GKAP1: variants seen among roughly 807,000 people sequenced by gnomAD.
GKAP1 encodes the protein G kinase anchoring protein 1.
GKAP1 carries 31 observed loss-of-function variants against 56.7 expected under a neutral mutation model. That is an observed-to-expected ratio of 0.55 (90% CI 0.41 to 0.74). The LOEUF (loss-of-function observed/expected upper bound fraction) is 0.74, where lower values mean the gene tolerates loss of function less well. Among genes scored for constraint, GKAP1 ranks in the 30% least tolerant of loss-of-function variants. GKAP1 has a pLI of 0.00. For missense variants in GKAP1, 364 were observed against 402.3 expected, an observed-to-expected ratio of 0.90 and a Z score of 0.82; for synonymous variants, 151 against 138.6, an observed-to-expected ratio of 1.09 and a Z score of -0.63.
At chr9:83,771,592 C>T (rs1319077594) in intron 7 of GKAP1, among the ~76,000 whole-genome samples, 1 of 152,138 alleles carries the variant, frequency 6.6e-6, no homozygotes, top group African/African-American at 2.4e-5. Flanking sequence ...ACAAACATTA[C>T]CTTATTTGAA....
At chr9:83,801,323 T>C (rs554847908) in intron 3 of GKAP1, among the ~76,000 whole-genome samples, 4 of 151,928 alleles carry the variant, frequency 2.6e-5, no homozygotes, top group Middle Eastern at 3.4e-3. Context: ...TTTTGATCTG[T>C]GGATTTGAAC....
intron 8 of GKAP1, among the ~76,000 whole-genome samples, chr9:83,755,733 G>A (rs1389562614): frequency 1.0e-5 from 1 of 100,272 alleles, no homozygotes. Context: ...ACAGACATAT[G>A]ACCAACAAAC....
chr9:83,801,338 A>G (rs1477049533), intron 3 of GKAP1, among the ~76,000 whole-genome samples: 1 of 152,004 alleles, frequency 6.6e-6, no homozygotes, highest in Non-Finnish European at 1.5e-5. Flanking sequence ...TTGAACCTCT[A>G]CTAGACTCCA....
intron 5 of GKAP1, among the ~76,000 whole-genome samples, chr9:83,785,702 A>G (rs1325829145): frequency 6.6e-6 from 1 of 152,044 alleles, no homozygotes; most frequent in Non-Finnish European, 1.5e-5. Flanking sequence ...TCATTCCCCC[A>G]TCTCCCTTTT....
In GKAP1 at chr9:83,755,994, AG is replaced by A. The variant is rs539096335; in HGVS notation, c.739-2636del. 3.5e-3 allele frequency among the ~76,000 whole-genome samples: 531 copies of A among 151,952 alleles called. 1 individual carries two copies. Among genetic ancestry groups the A allele is most frequent in the African/African-American group, 0.01 (415 of 41,496 alleles). On this transcript the variant is annotated intron_variant, in intron 8 of 12. Transcript: ENST00000376371. Reference sequence around the variant, plus strand: ...TAATTTTTGTATTTTTACTAGAGACAGGGTTTCACCATGTTGGCCAGGCTGG... The same window carrying A: ...TAATTTTTGTATTTTTACTAGAGACAGGTTTCACCATGTTGGCCAGGCTGG...
chr9:83,805,923 C>T (rs1944432772), intron 3 of GKAP1, among the ~76,000 whole-genome samples: 1 of 152,126 alleles, frequency 6.6e-6, no homozygotes, highest in African/African-American at 2.4e-5. Flanking sequence ...TCAAGACCAG[C>T]CTATGCAACA....
chr9:83,802,484 A>G (rs1038862374), intron 3 of GKAP1, among the ~76,000 whole-genome samples: 24 of 131,684 alleles, frequency 1.8e-4, no homozygotes, highest in Admixed American at 3.6e-4. Context: ...TCCATCTCAG[A>G]AAAAAAAAAA....
intron 4 of GKAP1, among the ~76,000 whole-genome samples, chr9:83,798,745 G>C (rs1423455860): frequency 6.6e-6 from 1 of 151,962 alleles, no homozygotes; most frequent in Non-Finnish European, 1.5e-5. Context: ...CAAACTCCTA[G>C]GCTCAAGCCA....
intron 7 of GKAP1, among the ~76,000 whole-genome samples, chr9:83,778,989 T>A (rs1444605078): frequency 6.6e-6 from 1 of 152,070 alleles, no homozygotes; most frequent in Non-Finnish European, 1.5e-5. Flanking sequence ...GCATTTTTTG[T>A]CTTCTTTCAA....
intron 8 of GKAP1, among the ~76,000 whole-genome samples, chr9:83,766,002 T>G (rs1418578419): frequency 6.6e-6 from 1 of 152,154 alleles, no homozygotes; most frequent in Non-Finnish European, 1.5e-5. Flanking sequence ...CGGGGCAGAA[T>G]GATATAGTTG....
chr9:83,790,039 TAAAAACTAG>T (rs1176444945), intron 4 of GKAP1, among the ~76,000 whole-genome samples: 1 of 152,100 alleles, frequency 6.6e-6, no homozygotes. Context: ...GGAGAAACCT[TAAAAACTAG>T]AAAAATCTTA....
chr9:83,743,353 G>A (rs1334302846), intron 10 of GKAP1, among the ~76,000 whole-genome samples: 2 of 151,988 alleles, frequency 1.3e-5, no homozygotes, highest in African/African-American at 4.8e-5. Flanking sequence ...CTAGCACTTT[G>A]GGAGGCTGAG....
intron 5 of GKAP1, among the ~76,000 whole-genome samples, chr9:83,786,814 TG>T (rs1411970868): frequency 6.6e-6 from 1 of 152,212 alleles, no homozygotes; most frequent in Non-Finnish European, 1.5e-5. Flanking sequence ...GAACACTGGC[TG>T]GGAGTACGAC....
At chr9:83,764,118 A>C (rs1359010086) in intron 8 of GKAP1, among the ~76,000 whole-genome samples, 2 of 152,174 alleles carry the variant, frequency 1.3e-5, no homozygotes, top group Non-Finnish European at 2.9e-5. Flanking sequence ...ATCAATGAAA[A>C]AGGAAGAAGT....
At chr9:83,770,057 T>C (rs1943731196) in intron 7 of GKAP1, among the ~76,000 whole-genome samples, 1 of 152,218 alleles carries the variant, frequency 6.6e-6, no homozygotes, top group Admixed American at 6.5e-5. Flanking sequence ...CTGGGTTACT[T>C]GTTTTTTTGA....
intron 5 of GKAP1, among the ~76,000 whole-genome samples, chr9:83,787,060 A>G (rs528667199): frequency 3.5e-4 from 53 of 152,086 alleles, no homozygotes; most frequent in Non-Finnish European, 1.5e-4. Flanking sequence ...ATTTTTGTTA[A>G]TTTTCCTGCT....
intron 9 of GKAP1, among the ~76,000 whole-genome samples, chr9:83,750,798 T>C (rs982068477): frequency 6.6e-6 from 1 of 152,202 alleles, no homozygotes; most frequent in Non-Finnish European, 1.5e-5. Flanking sequence ...AATTATCATG[T>C]CACTTACCTT....
At chr9:83,780,464 G>GAA (rs1943951965) in intron 6 of GKAP1, 60 bp from the exon 7 acceptor site, 2 of 172,810 alleles carry the variant, frequency 1.2e-5, no homozygotes, top group East Asian at 2.0e-4. Flanking sequence ...ATACAAAAAT[G>GAA]TAAAAAAAAA....
At chr9:83,785,460 T>C (rs1444398931) in intron 5 of GKAP1, among the ~76,000 whole-genome samples, 2 of 152,156 alleles carry the variant, frequency 1.3e-5, no homozygotes, top group Non-Finnish European at 2.9e-5. Flanking sequence ...TCAATAAGCA[T>C]CTCCACACGA....
Sources: allele counts gnomAD v4.1 joint callset (sites outside exome capture counted in the v4.1 genomes callset), GRCh38; gene constraint gnomAD v4.1.1; transcripts MANE v1.5; gene names NCBI Gene and HGNC (gene_info 2026-07-23, HGNC 2026-07-21).